SEMA3D: variants seen among roughly 807,000 people sequenced by gnomAD.
SEMA3D encodes semaphorin-3D.
SEMA3D carries 84 observed loss-of-function variants against 100.1 expected under a neutral mutation model. That is an observed-to-expected ratio of 0.84 (90% confidence interval 0.70 to 1.01). The LOEUF is 1.01. Among genes scored for constraint, SEMA3D ranks in the 50% least tolerant of loss-of-function variants. The probability of loss-of-function intolerance (pLI) is 0.00; values close to 1 mark genes in which losing one functional copy is unlikely to be tolerated. For missense variants in SEMA3D, 875 were observed against 934.1 expected (o/e 0.94, Z 0.82); for synonymous variants, 312 against 320.7 (o/e 0.97, Z 0.29).
the SEMA3D span, among the ~76,000 whole-genome samples, chr7:85,228,355 G>T: frequency 5.3e-5 from 8 of 152,014 alleles, no homozygotes; most frequent in African/African-American, 1.7e-4. Context: ...TTTCCGAATG[G>T]TAATTTCATT....
At chr7:85,013,276 C>A (rs192217414) in intron 16 of SEMA3D, among the ~76,000 whole-genome samples, 8 of 151,722 alleles carry the variant, frequency 5.3e-5, no homozygotes, top group African/African-American at 1.9e-4. Context: ...AAATACAAAA[C>A]ACCTTGTCAT....
chr7:85,080,507 C>T (rs1274317362), intron 5 of SEMA3D, among the ~76,000 whole-genome samples: 1 of 151,968 alleles, frequency 6.6e-6, no homozygotes, highest in Non-Finnish European at 1.5e-5. Flanking sequence ...CTTAATACCC[C>T]CGCATTATTG....
chr7:85,040,907 A>T (rs1790842354), intron 10 of SEMA3D, among the ~76,000 whole-genome samples, 165 bp from the exon 11 acceptor site: 1 of 152,128 alleles, frequency 6.6e-6, no homozygotes, highest in Non-Finnish European at 1.5e-5. Context: ...TTTCTCAATG[A>T]CTATGTATGG....
intron 3 of SEMA3D, 75 bp from the exon 4 acceptor site, chr7:85,098,040 A>G: frequency 4.2e-6 from 3 of 722,862 alleles, no homozygotes; most frequent in Non-Finnish European, 6.3e-6. Context: ...GAGAGAAAGA[A>G]GAAAGAAAAA....
intron 2 of SEMA3D, among the ~76,000 whole-genome samples, chr7:85,122,574 G>A (rs191274671): frequency 1.3e-5 from 2 of 152,162 alleles, no homozygotes; most frequent in South Asian, 2.1e-4. Flanking sequence ...AAGCCTATAC[G>A]TGCCCCATAT....
intron 1 of SEMA3D, among the ~76,000 whole-genome samples, chr7:85,186,379 T>C (rs2732754): frequency 0.16 from 23,733 of 152,074 alleles, 2,397 homozygotes; most frequent in Non-Finnish European, 0.23. Context: ...AGGAAAACTT[T>C]GTGCAGTGCT....
At chr7:85,161,474 T>C (rs950989495) in intron 1 of SEMA3D, among the ~76,000 whole-genome samples, 1 of 152,134 alleles carries the variant, frequency 6.6e-6, no homozygotes. Flanking sequence ...GCTGTAACTT[T>C]GCAGGGTATG....
intron 2 of SEMA3D, among the ~76,000 whole-genome samples, chr7:85,147,757 G>T (rs1461584343): frequency 6.6e-6 from 1 of 151,802 alleles, no homozygotes; most frequent in Admixed American, 6.6e-5. Context: ...CTAATTTATT[G>T]TTTTCTGATC....
chr7:85,018,264 C>G lies in SEMA3D; in HGVS notation c.1533G>C (p.Leu511Phe), dbSNP rs1790158590. The G allele has an allele frequency of 6.3e-7, 1 of 1,594,666 alleles. No homozygotes were observed. Among genetic ancestry groups the G allele is most frequent in the Non-Finnish European group, 8.6e-7 (1 of 1,163,776 alleles). Reference protein sequence around the residue: ...KHSSIILNMELSLKQQQLYIG... With the variant: ...KHSSIILNMEFSLKQQQLYIG... ...AGTTAAAAAGTACCTGCTTCAGAGA[C>G]AATTCCATGTTCAAGATGATTGATG... The change falls in exon 15 of 19, where the codon TTG becomes TTC. Residue 511 changes from leucine (L) to phenylalanine (F), a missense_variant. Leu to Phe is a conservative substitution (Grantham distance 22). Coordinates refer to ENST00000284136, the MANE Select transcript of SEMA3D (RefSeq NM_001384900.1).
At chr7:85,101,070 C>G (rs180846241) in intron 3 of SEMA3D, among the ~76,000 whole-genome samples, 4 of 151,882 alleles carry the variant, frequency 2.6e-5, no homozygotes, top group African/African-American at 9.7e-5. Context: ...CCAACAAATA[C>G]GCCATACTGA....
intron 1 of SEMA3D, among the ~76,000 whole-genome samples, chr7:85,174,539 A>G (rs1257957659): frequency 6.6e-6 from 1 of 152,190 alleles, no homozygotes; most frequent in Non-Finnish European, 1.5e-5. Context: ...TATTTTGTGC[A>G]AGACTTGGCA....
Position 85,020,241 on chromosome 7 carries a change from T to A in SEMA3D, c.1495A>T (p.Ile499Leu). The A allele has an allele frequency of 6.2e-7, 1 of 1,606,718 alleles. No homozygotes were observed. Among genetic ancestry groups the A allele is most frequent in the Non-Finnish European group, 8.5e-7 (1 of 1,174,278 alleles). ...MEEVVLEELQ[I>L]FKHSSIILNM... ...TCTGGACTGAGTCTTACCTTGAATATCTGCAACTCCTCCAGCACTACCTCT... is the reference window on the plus strand; with the variant it reads ...TCTGGACTGAGTCTTACCTTGAATAACTGCAACTCCTCCAGCACTACCTCT... The change falls in exon 14 of 19, where the codon ATA becomes TTA. Residue 499 changes from isoleucine to leucine, a missense_variant. Ile to Leu is a conservative substitution (Grantham distance 5). Coordinates refer to ENST00000284136, the MANE Select transcript of SEMA3D (RefSeq NM_001384900.1).
chr7:85,238,385 G>T, the SEMA3D span, among the ~76,000 whole-genome samples: 2 of 152,032 alleles, frequency 1.3e-5, no homozygotes, highest in South Asian at 4.2e-4. Flanking sequence ...TCTTATGAAG[G>T]GTGTAAAATC....
chr7:85,244,324 T>C, the SEMA3D span, among the ~76,000 whole-genome samples: 1 of 152,188 alleles, frequency 6.6e-6, no homozygotes, highest in African/African-American at 2.4e-5. Flanking sequence ...GGCATTAATC[T>C]ATTCATGAGG....
At chr7:85,175,206 C>T (rs1791193031) in intron 1 of SEMA3D, among the ~76,000 whole-genome samples, 1 of 152,084 alleles carries the variant, frequency 6.6e-6, no homozygotes, top group Admixed American at 6.6e-5. Context: ...TCACTGTACA[C>T]TATTAACTTC....
chr7:85,126,601 G>A (rs1055067709), intron 2 of SEMA3D, among the ~76,000 whole-genome samples: 1 of 151,984 alleles, frequency 6.6e-6, no homozygotes, highest in Non-Finnish European at 1.5e-5. Flanking sequence ...AGCAATATCT[G>A]TATTAACTCA....
chr7:85,066,946 A>AGAG (rs1583889292), intron 7 of SEMA3D, among the ~76,000 whole-genome samples: 6 of 149,578 alleles, frequency 4.0e-5, no homozygotes, highest in South Asian at 2.1e-4. Flanking sequence ...AGAGAGAGAG[A>AGAG]ACTCCAGCTA....
intron 4 of SEMA3D, among the ~76,000 whole-genome samples, chr7:85,092,877 A>G (rs1035505452): frequency 2.6e-5 from 4 of 152,064 alleles, no homozygotes; most frequent in Admixed American, 2.0e-4. Context: ...AGGCAAATAA[A>G]CTCTTGTACA....
chr7:85,227,345 G>A, the SEMA3D span, among the ~76,000 whole-genome samples: 803 of 152,246 alleles, frequency 5.3e-3, 11 homozygotes, highest in African/African-American at 0.018. Context: ...AACATTGGGA[G>A]GTTATTGGAT....
Sources: allele counts gnomAD v4.1 joint callset (sites outside exome capture counted in the v4.1 genomes callset), GRCh38; gene constraint gnomAD v4.1.1; transcripts MANE v1.5; gene names NCBI Gene and HGNC (gene_info 2026-07-23, HGNC 2026-07-21).